The following TBC1D5 variants were observed in gnomAD, a reference collection of about 807,000 sequenced individuals.
TBC1D5 encodes TBC1 domain family member 5.
In TBC1D5, 75 loss-of-function variants were observed where a neutral mutation model predicts 100.3. That is an observed-to-expected ratio of 0.75 (90% confidence interval 0.62 to 0.91). The LOEUF (loss-of-function observed/expected upper bound fraction) is 0.91, where lower values mean the gene tolerates loss of function less well. Ranked by LOEUF, TBC1D5 falls within the 40% of genes least tolerant of loss-of-function variation. The pLI is 0.00. For missense variants in TBC1D5, 910 were observed against 942.4 expected (o/e 0.97, Z 0.45); for synonymous variants, 323 against 325.6 (o/e 0.99, Z 0.09).
chr3:17,723,408 A>G (rs1192923803), intron 1 of TBC1D5, among the ~76,000 whole-genome samples: 1 of 152,214 alleles, frequency 6.6e-6, no homozygotes, highest in East Asian at 1.9e-4. Flanking sequence ...ATCACACCAC[A>G]AAAGATTTCC....
chr3:17,168,002 G>A (rs898193011), intron 19 of TBC1D5, among the ~76,000 whole-genome samples, 174 bp from the exon 21 acceptor site: 5 of 152,154 alleles, frequency 3.3e-5, no homozygotes, highest in South Asian at 2.1e-4. Context: ...GAGTGGAGAG[G>A]GCAGCACTGG....
At chr3:17,617,144 T>C (rs543682849) in intron 2 of TBC1D5, among the ~76,000 whole-genome samples, 1 of 152,338 alleles carries the variant, frequency 6.6e-6, no homozygotes, top group African/African-American at 2.4e-5. Context: ...CCTTCACTTA[T>C]GAAGCTTAGT....
chr3:17,475,818 A>T (rs2095431446), intron 3 of TBC1D5, among the ~76,000 whole-genome samples: 1 of 152,100 alleles, frequency 6.6e-6, no homozygotes, highest in African/African-American at 2.4e-5. Context: ...GGTCATATTC[A>T]ATTTTCTTGT....
intron 1 of TBC1D5, among the ~76,000 whole-genome samples, chr3:17,724,045 T>A (rs1422900536): frequency 6.6e-6 from 1 of 152,120 alleles, no homozygotes; most frequent in Non-Finnish European, 1.5e-5. Context: ...GAAATATATT[T>A]TCATCAGGTA....
At chr3:17,184,170 T>C (rs1295428853) in intron 19 of TBC1D5, among the ~76,000 whole-genome samples, 1 of 152,176 alleles carries the variant, frequency 6.6e-6, no homozygotes, top group Non-Finnish European at 1.5e-5. Context: ...TAATGTGAGA[T>C]ATAGCACCTT....
intron 13 of TBC1D5, among the ~76,000 whole-genome samples, chr3:17,355,916 A>C (rs1051537660): frequency 6.6e-6 from 1 of 152,178 alleles, no homozygotes. Flanking sequence ...CTATTCTAGT[A>C]ATGAAGCCAA....
chr3:17,683,488 T>C (rs1425065373), intron 1 of TBC1D5, among the ~76,000 whole-genome samples: 1 of 146,584 alleles, frequency 6.8e-6, no homozygotes, highest in Non-Finnish European at 1.5e-5. Context: ...GCTCAAGTAC[T>C]TGTCTGCTGT....
At chr3:17,320,314 A>G (rs560964159) in intron 13 of TBC1D5, among the ~76,000 whole-genome samples, 3 of 152,348 alleles carry the variant, frequency 2.0e-5, no homozygotes, top group Admixed American at 1.3e-4. Flanking sequence ...AAATTTGTTC[A>G]AACTGCAAAT....
intron 17 of TBC1D5, among the ~76,000 whole-genome samples, chr3:17,218,429 AACAAT>A (rs1342236027): frequency 5.9e-5 from 9 of 152,046 alleles, no homozygotes; most frequent in African/African-American, 1.2e-4. Flanking sequence ...CTGCCATATT[AACAAT>A]ACAAGATTTA....
intron 14 of TBC1D5, among the ~76,000 whole-genome samples, chr3:17,299,038 T>G (rs1043087742): frequency 2.6e-5 from 4 of 152,198 alleles, no homozygotes; most frequent in Non-Finnish European, 5.9e-5. Flanking sequence ...TGGTAAAAGA[T>G]TAGCAACAAT....
rs550033014 is a variant in TBC1D5 at position 17,274,448 on chromosome 3, C to A, written c.1246-15857G>T. On this transcript the variant is annotated intron_variant, in intron 15 of 21. Coordinates refer to ENST00000253692, the Ensembl canonical transcript of TBC1D5. ...AGCAAATTAAGTAGATGATCTCAAACTAATAGCTGACATTCTCATCAGTGG... is the reference window on the plus strand; with the variant it reads ...AGCAAATTAAGTAGATGATCTCAAAATAATAGCTGACATTCTCATCAGTGG... Among the ~76,000 whole-genome samples the A allele has an allele frequency of 2.0e-5, 3 of 152,296 alleles. No homozygotes were observed. The South Asian group carries it at 6.2e-4, about 32-fold the overall frequency.
chr3:17,292,804 A>C (rs904294258), intron 14 of TBC1D5, among the ~76,000 whole-genome samples: 4 of 152,230 alleles, frequency 2.6e-5, no homozygotes, highest in Admixed American at 2.0e-4. Flanking sequence ...GACTGTGAAG[A>C]AACTTTACAG....
intron 13 of TBC1D5, among the ~76,000 whole-genome samples, chr3:17,309,495 T>G (rs1473188306): frequency 6.6e-6 from 1 of 152,068 alleles, no homozygotes; most frequent in East Asian, 1.9e-4. Context: ...GTTTTAAATG[T>G]TCAATTTTTA....
intron 13 of TBC1D5, among the ~76,000 whole-genome samples, chr3:17,321,192 T>A (rs560903508): frequency 2.0e-5 from 3 of 152,300 alleles, no homozygotes; most frequent in South Asian, 4.1e-4. Flanking sequence ...CTCAGGCTCC[T>A]GAGTAGCTGG....
chr3:17,725,788 G>A (rs1157798723), intron 1 of TBC1D5, among the ~76,000 whole-genome samples: 2 of 152,128 alleles, frequency 1.3e-5, no homozygotes, highest in Non-Finnish European at 2.9e-5. Flanking sequence ...CAGGGGTTTG[G>A]TGTGCAGATT....
chr3:17,219,087 G>GTT (rs1285784550), intron 17 of TBC1D5, among the ~76,000 whole-genome samples: 6 of 139,862 alleles, frequency 4.3e-5, no homozygotes, highest in African/African-American at 1.0e-4. Context: ...GGCTCTTTTT[G>GTT]TTTTTTTTTT....
intron 4 of TBC1D5, among the ~76,000 whole-genome samples, chr3:17,427,437 C>T (rs1422560500): frequency 1.3e-5 from 2 of 151,786 alleles, no homozygotes. Flanking sequence ...AAAAGCCCGC[C>T]TGAAATCTGA....
chr3:17,245,336 A>G (rs1361478742), intron 16 of TBC1D5, among the ~76,000 whole-genome samples: 2 of 152,160 alleles, frequency 1.3e-5, no homozygotes, highest in Non-Finnish European at 2.9e-5. Flanking sequence ...GCCATACTGT[A>G]AGGTTTGTTA....
intron 3 of TBC1D5, among the ~76,000 whole-genome samples, chr3:17,442,457 G>A (rs1330711625): frequency 6.6e-6 from 1 of 152,196 alleles, no homozygotes; most frequent in African/African-American, 2.4e-5. Flanking sequence ...CCAAAAAAGT[G>A]CATCCATTCA....
Sources: gnomAD v4.1 joint callset for allele counts (sites outside exome capture counted in the v4.1 genomes callset) on GRCh38, gnomAD v4.1.1 for gene constraint, MANE v1.5 for transcripts, NCBI Gene and HGNC (gene_info 2026-07-23, HGNC 2026-07-21) for gene names.